The following SPOUT1 variants were observed in gnomAD, a reference collection of about 807,000 sequenced individuals.
The protein encoded by SPOUT1 is 28S rRNA (uridine-N(3))-methyltransferase.
SPOUT1 carries 40 observed loss-of-function variants against 54.8 expected under a neutral mutation model. That is an observed-to-expected ratio of 0.73 (90% CI 0.57 to 0.95). The LOEUF is 0.95. SPOUT1 is among the 40% of genes least tolerant of loss of function. The pLI is 0.00. For missense variants in SPOUT1, 437 were observed against 499.5 expected, an observed-to-expected ratio of 0.87 and a Z score of 1.19; for synonymous variants, 193 against 200.3, an observed-to-expected ratio of 0.96 and a Z score of 0.31.
Position 128,820,590 on chromosome 9 carries a change from T to C in SPOUT1, c.*2175A>G. On this transcript the variant is annotated 3_prime_UTR_variant, in exon 12 of 12. Coordinates refer to ENST00000361256, the MANE Select transcript of SPOUT1 (RefSeq NM_016390.4). Reference sequence around the variant, plus strand: ...TCTATCAGCCCTGGGTTTCAGGGAGTGACTTTCATTCCTTGAGCCTCAGTT... The same window carrying C: ...TCTATCAGCCCTGGGTTTCAGGGAGCGACTTTCATTCCTTGAGCCTCAGTT... The C allele has an allele frequency of 1.5e-6, 1 of 664,920 alleles. No individual in the cohort carries two copies. The highest frequency in any genetic ancestry group is 2.6e-6 in the Non-Finnish European group (1 of 379,374). 41.2% of individuals were successfully genotyped at this position (664,920 alleles called of 1,614,324 possible). A position where few individuals can be genotyped will look rare whatever the true frequency, so the allele number is the denominator to read the frequency against.
chr9:128,828,660 A>T, intron 3 of SPOUT1, 75 bp downstream of exon 3: 1 of 1,528,614 alleles, frequency 6.5e-7, no homozygotes, highest in Non-Finnish European at 9.0e-7. Context: ...CCTTTCAGAT[A>T]AGACATCTCT....
At chr9:128,828,910 GGGTCAGCCT>G in intron 2 of SPOUT1, 50 bp from the exon 3 acceptor site, 1 of 1,611,884 alleles carries the variant, frequency 6.2e-7, no homozygotes, top group South Asian at 1.1e-5. Context: ...CCCACTCATT[GGGTCAGCCT>G]GGACTCTGGA....
Position 128,821,166 on chromosome 9 carries a change from T to C in SPOUT1, c.*1599A>G. The C allele has an allele frequency of 2.6e-6, 1 of 383,790 alleles. No individual in the cohort carries two copies. The highest frequency in any genetic ancestry group is 5.6e-5 in the East Asian group (1 of 17,726). The allele number at this position is 383,790 out of a possible 1,614,324, so 23.8% of individuals were successfully genotyped here. On this transcript the variant is annotated 3_prime_UTR_variant, in exon 12 of 12. Transcript: ENST00000361256. ...CTGCCAATATGGAACCCCCCGCAGG[T>C]CTGCAGTGCACCAAGCTCTCCCACC...
chr9:128,829,032 T>C, intron 2 of SPOUT1, 78 bp downstream of exon 2: 1 of 1,511,880 alleles, frequency 6.6e-7, no homozygotes, highest in Non-Finnish European at 9.2e-7. Context: ...GGGAACAAAG[T>C]TGGTGTCTTT....
Position 128,820,832 on chromosome 9 carries a change from C to T in SPOUT1, c.*1933G>A. The T allele has an allele frequency of 1.2e-6, 2 of 1,610,020 alleles. No homozygotes were observed. Among genetic ancestry groups the T allele is most frequent in the East Asian group, 2.2e-5 (1 of 44,846 alleles). ...CCAAAACGTCTATGTCTGCACAGGG[C>T]CACTCTTCCTGCCCAGGTAAGGTGG... On this transcript the variant is annotated 3_prime_UTR_variant, in exon 12 of 12. Transcript: ENST00000361256.
chr9:128,821,009 T>TTCCACC lies in SPOUT1; in HGVS notation c.*1750_*1755dup. The TTCCACC allele has an allele frequency of 1.5e-6, 1 of 645,448 alleles. No individual in the cohort carries two copies. Among genetic ancestry groups the TTCCACC allele is most frequent in the East Asian group, 2.8e-5 (1 of 36,352 alleles). 40.0% of individuals were successfully genotyped at this position (645,448 alleles called of 1,614,324 possible). ...AGCTTCCCTGCCTCGAGTCCCCTCA[T>TTCCACC]TCCACCTCCACAGCCAAAGACCTGT... On this transcript the variant is annotated 3_prime_UTR_variant, in exon 12 of 12. Transcript: ENST00000361256.
Position 128,824,869 on chromosome 9 carries a change from T to G in SPOUT1, c.713A>C (p.Asp238Ala), listed in dbSNP as rs769211512. The change falls in exon 9 of 12, where the codon GAC (aspartate) becomes GCC (alanine). Residue 238 changes from aspartate to alanine, a missense_variant and splice_region_variant. Coordinates refer to ENST00000361256, the MANE Select transcript of SPOUT1 (RefSeq NM_016390.4). ...CACTTTGCCATGGTAGGTCTTGCAGTCTGGAGGGGTAACAGAGTCTGTAAA... is the reference window on the plus strand; with the variant it reads ...CACTTTGCCATGGTAGGTCTTGCAGGCTGGAGGGGTAACAGAGTCTGTAAA... ...TVRLNQQQHP[D>A]CKTYHGKVVS... 4 of 1,612,614 alleles carry G rather than the reference T, an allele frequency of 2.5e-6. No homozygotes were observed. The South Asian group carries it at 4.4e-5, about 18-fold the overall frequency.
intron 3 of SPOUT1, among the ~76,000 whole-genome samples, chr9:128,827,509 A>T (rs189444594): frequency 1.6e-4 from 25 of 152,350 alleles, no homozygotes; most frequent in African/African-American, 5.8e-4. Flanking sequence ...CTGATATCTA[A>T]TAAGTCTTTA....
chr9:128,827,023 G>T lies in SPOUT1; in HGVS notation c.368+9C>A. Reference sequence around the variant, plus strand: ...CTGAACCCTGGCACCCTGTGGGATGGCCCCTTACTTGGCATCCTGGCCCTC... The same window carrying T: ...CTGAACCCTGGCACCCTGTGGGATGTCCCCTTACTTGGCATCCTGGCCCTC... On this transcript the variant is annotated intron_variant, in intron 4 of 11. Coordinates refer to ENST00000361256, the MANE Select transcript of SPOUT1 (RefSeq NM_016390.4). The T allele has an allele frequency of 6.2e-7, 1 of 1,612,590 alleles. No individual in the cohort carries two copies. The highest frequency in any genetic ancestry group is 8.5e-7 in the Non-Finnish European group (1 of 1,179,094).
intron 3 of SPOUT1, 134 bp downstream of exon 3, chr9:128,828,601 C>G: frequency 1.1e-6 from 1 of 949,116 alleles, no homozygotes; most frequent in Non-Finnish European, 1.6e-6. Flanking sequence ...CTCTGGGCCT[C>G]AGTTTCTCCA....
At position 128,824,794 on chromosome 9, in the gene SPOUT1, G is replaced by T. The variant is rs756157384; in HGVS notation, c.788C>A (p.Thr263Asn). The T allele has an allele frequency of 6.2e-7, 1 of 1,613,716 alleles. No individual in the cohort carries two copies. Among genetic ancestry groups the T allele is most frequent in the Non-Finnish European group, 8.5e-7 (1 of 1,179,618 alleles). The change falls in exon 9 of 12, where the codon ACC becomes AAC. Residue 263 changes from threonine (T) to asparagine (N), a missense_variant. Thr to Asn is a moderately conservative substitution (Grantham distance 65, BLOSUM62 0). Coordinates refer to ENST00000361256, the MANE Select transcript of SPOUT1 (RefSeq NM_016390.4). The part of the protein sequence containing the change: ...RTKAGLYWGY[T>N]VRLASCLSAV... ...ACTGAGGCAGGAAGCCAGTCGGACG[G>T]TGTAGCCCCAGTAGAGACCAGCTTT... is the stretch of plus-strand genomic sequence containing the variant.
chr9:128,820,705 CCA>C lies in SPOUT1; in HGVS notation c.*2058_*2059del. On this transcript the variant is annotated 3_prime_UTR_variant, in exon 12 of 12. Transcript: ENST00000361256. ...TCTGATAGAGGAGGAAGGGTCCCAG[CCA>C]CAGTCCTGCTAAGCCCTATCTCTCC... is the stretch of plus-strand genomic sequence containing the variant. 1 of 1,569,478 alleles carries C rather than the reference CCA, an allele frequency of 6.4e-7. No homozygotes were observed.
At chr9:128,822,946 T>A in intron 11 of SPOUT1, 113 bp from the exon 12 acceptor site, 1 of 723,478 alleles carries the variant, frequency 1.4e-6, no homozygotes. Context: ...GGGTCCCCTG[T>A]CCTTAGTAGG....
In SPOUT1 at chr9:128,822,077, A is replaced by G; in HGVS notation, c.*688T>C. 1 of 555,796 alleles carries G rather than the reference A, an allele frequency of 1.8e-6. No individual in the cohort carries two copies. The highest frequency in any genetic ancestry group is 3.2e-6 in the Non-Finnish European group (1 of 309,678). The allele number at this position is 555,796 out of a possible 1,614,324, so 34.4% of individuals were successfully genotyped here. ...AATATTCAGAAGGCTCGATTCTCCT[A>G]GCAGCGTTTATTGTCGCCCACTCTG... On this transcript the variant is annotated 3_prime_UTR_variant, in exon 12 of 12. Transcript: ENST00000361256.
chr9:128,826,672 C>T lies in SPOUT1; in HGVS notation c.369-43G>A. The stretch of plus-strand genomic sequence containing the variant: ...GGGGCTCAGGATCCAGCTGTGGCCC[C>T]TTCAAGAGCTCCTGTCTACAAGTGC... On this transcript the variant is annotated intron_variant, in intron 4 of 11. Transcript: ENST00000361256. The surrounding 1 kb of genome is among the most constrained non-coding windows in gnomAD (Gnocchi z 5.5). 1 of 1,378,548 alleles carries T rather than the reference C, an allele frequency of 7.3e-7. No homozygotes were observed. Among genetic ancestry groups the T allele is most frequent in the Non-Finnish European group, 9.9e-7 (1 of 1,006,608 alleles). The allele number at this position is 1,378,548 out of a possible 1,614,324, so 85.4% of individuals were successfully genotyped here. A position where few individuals can be genotyped will look rare whatever the true frequency, so the allele number is the denominator to read the frequency against.
chr9:128,822,859 T>G lies in SPOUT1; in HGVS notation c.1063-26A>C, dbSNP rs1268690014. 2.6e-6 allele frequency: 4 copies of G among 1,530,626 alleles called. No individual in the cohort carries two copies. The African/African-American group carries it at 5.5e-5, about 21-fold the overall frequency. The allele number at this position is 1,530,626 out of a possible 1,614,324, so 94.8% of individuals were successfully genotyped here. On this transcript the variant is annotated intron_variant, in intron 11 of 11. Transcript: ENST00000361256. ...CTGGAAGAGAAGCGTGGCAGTGGGC[T>G]GGGGCCTGGGGGGCTAGCGGGTGCC...
At position 128,826,169 on chromosome 9, in the gene SPOUT1, G is replaced by C. The variant is rs73669978; in HGVS notation, c.509-17C>G. 5 of 1,593,962 alleles carry C rather than the reference G, an allele frequency of 3.1e-6. No individual in the cohort carries two copies. The highest frequency in any genetic ancestry group is 4.3e-6 in the Non-Finnish European group (5 of 1,169,898). ...TCAGGAGCCCTGTGGAGGCAGAGCC[G>C]GGAAGAGTCTGGGAAGTGCTAGGGC... On this transcript the variant is annotated splice_polypyrimidine_tract_variant and intron_variant, in intron 6 of 11. Coordinates refer to ENST00000361256, the MANE Select transcript of SPOUT1 (RefSeq NM_016390.4). This position sits in a 1 kb window ranked among gnomAD's most constrained non-coding sequence, Gnocchi z 5.5.
Position 128,825,057 on chromosome 9 carries a change from G to A in SPOUT1, c.640-8C>T. 2 of 1,556,806 alleles carry A rather than the reference G, an allele frequency of 1.3e-6. No homozygotes were observed. Among genetic ancestry groups the A allele is most frequent in the Admixed American group, 1.9e-5 (1 of 51,862 alleles). ...CTTGTCAATCTTCACCTCCTGGGGA[G>A]AAGCCAGAAGAAATGGGTGCCATTC... is the stretch of plus-strand genomic sequence containing the variant. On this transcript the variant is annotated splice_region_variant and splice_polypyrimidine_tract_variant and intron_variant, in intron 7 of 11. Coordinates refer to ENST00000361256, the MANE Select transcript of SPOUT1 (RefSeq NM_016390.4).
At chr9:128,825,325 C>CTT (rs11396054) in intron 7 of SPOUT1, among the ~76,000 whole-genome samples, 2 of 152,030 alleles carry the variant, frequency 1.3e-5, no homozygotes, top group East Asian at 1.9e-4. Flanking sequence ...AGCTCTGCAA[C>CTT]TTTTTTTTCT....
Sources: gnomAD v4.1 joint callset for allele counts (sites outside exome capture counted in the v4.1 genomes callset) on GRCh38, gnomAD v4.1.1 for gene constraint, Gnocchi (gnomAD v3.1) non-coding constraint, MANE v1.5 for transcripts, NCBI Gene and HGNC (gene_info 2026-07-23, HGNC 2026-07-21) for gene names.